Variants in SEL1L3 observed in about 807,000 individuals in gnomAD.
The protein encoded by SEL1L3 is protein sel-1 homolog 3.
A neutral mutation model predicts 142.8 loss-of-function variants in SEL1L3; 76 were observed. The observed-to-expected ratio is 0.53, with a 90% CI of 0.44 to 0.64. The LOEUF is 0.64. Among genes scored for constraint, SEL1L3 ranks in the 30% least tolerant of loss-of-function variants. The probability of loss-of-function intolerance (pLI) is 0.00; values close to 1 mark genes in which losing one functional copy is unlikely to be tolerated. For missense variants in SEL1L3, 1,262 were observed against 1,381.7 expected (o/e 0.91, Z 1.37); for synonymous variants, 504 against 519.6 (o/e 0.97, Z 0.41).
Position 25,756,663 on chromosome 4 carries a change from G to C in SEL1L3, c.3259+871C>G. ...AAACAGAAGCAAGCAGGGCTCCCTT[G>C]TCCTTAACTATTCTATACTGGCTCA... On this transcript the variant is annotated intron_variant, in intron 23 of 23. Coordinates refer to ENST00000399878, the MANE Select transcript of SEL1L3 (RefSeq NM_015187.5). The C allele has an allele frequency of 2.9e-6, 3 of 1,041,134 alleles. No individual in the cohort carries two copies. The South Asian group carries it at 1.0e-4, about 35-fold the overall frequency. 64.5% of individuals were successfully genotyped at this position (1,041,134 alleles called of 1,614,324 possible).
At chr4:25,780,224 G>A (rs1045568651) in intron 15 of SEL1L3, among the ~76,000 whole-genome samples, 20 of 151,896 alleles carry the variant, frequency 1.3e-4, no homozygotes, top group Admixed American at 5.2e-4. Flanking sequence ...AATACATGTA[G>A]AACCCAGTTT....
At chr4:25,763,759 G>A (rs1358197877) in intron 20 of SEL1L3, among the ~76,000 whole-genome samples, 1 of 152,166 alleles carries the variant, frequency 6.6e-6, no homozygotes, top group Non-Finnish European at 1.5e-5. Context: ...AGGATCGCTT[G>A]AGCCTGGGGG....
chr4:25,776,195 G>C, intron 17 of SEL1L3, 82 bp downstream of exon 17: 1 of 830,426 alleles, frequency 1.2e-6, no homozygotes, highest in South Asian at 1.6e-5. Flanking sequence ...TGCTTTCTCA[G>C]TTGCATTTTA....
At chr4:25,860,932 C>G (rs754121225) in intron 1 of SEL1L3, among the ~76,000 whole-genome samples, 2 of 152,176 alleles carry the variant, frequency 1.3e-5, no homozygotes, top group Non-Finnish European at 2.9e-5. Context: ...ACAGAACTTT[C>G]ACAGGAATAC....
At chr4:25,863,515 C>CCGCAGGG, upstream of SEL1L3, 3 of 702,872 alleles carry the variant, frequency 4.3e-6, no homozygotes, top group Non-Finnish European at 7.8e-6. Context: ...GGCGCCATTC[C>CCGCAGGG]CGCAGGGCGC....
chr4:25,824,394 C>T (rs889716209), intron 6 of SEL1L3, among the ~76,000 whole-genome samples: 16 of 152,180 alleles, frequency 1.1e-4, no homozygotes, highest in African/African-American at 3.6e-4. Context: ...AGCTTACTGT[C>T]TAGAGCCTTA....
At chr4:25,734,254 C>T in the SEL1L3 span, among the ~76,000 whole-genome samples, 3 of 152,040 alleles carry the variant, frequency 2.0e-5, no homozygotes, top group African/African-American at 7.2e-5. Flanking sequence ...TCATGTTGGC[C>T]AGGCTGGTCT....
At chr4:25,721,427 C>T in the SEL1L3 span, among the ~76,000 whole-genome samples, 7 of 151,654 alleles carry the variant, frequency 4.6e-5, no homozygotes, top group African/African-American at 1.7e-4. Flanking sequence ...GCCAGGATAC[C>T]CACAGCGGCA....
chr4:25,847,455 T>A lies in SEL1L3; in HGVS notation c.572A>T (p.Glu191Val). Residue 191 changes from glutamate (E) to valine (V), a missense_variant, in exon 2 of 24, where the codon GAG becomes GTG. Glu to Val is a moderately radical substitution (Grantham distance 121). This residue lies in a region of SEL1L3 where 689 missense variants were observed against 692.8 expected (regional missense o/e 0.99). Coordinates refer to ENST00000399878, the MANE Select transcript of SEL1L3 (RefSeq NM_015187.5). ...YSGRDWNVKW[E>V]ENLLHAVAKN... ...TGCTACAGCATGGAGCAAGTTTTCCTCCCATTTAACATTCCAGTCTCTGCC... is the reference window on the plus strand; with the variant it reads ...TGCTACAGCATGGAGCAAGTTTTCCACCCATTTAACATTCCAGTCTCTGCC... The A allele has an allele frequency of 6.2e-7, 1 of 1,613,980 alleles. No homozygotes were observed. Among genetic ancestry groups the A allele is most frequent in the Non-Finnish European group, 8.5e-7 (1 of 1,179,878 alleles).
the SEL1L3 span, among the ~76,000 whole-genome samples, chr4:25,735,291 T>TG: frequency 2.1e-3 from 317 of 152,194 alleles, no homozygotes; most frequent in African/African-American, 7.3e-3. Context: ...GCAATCCTCC[T>TG]GCCCCAGCCT....
intron 6 of SEL1L3, among the ~76,000 whole-genome samples, chr4:25,826,950 C>T (rs990072344): frequency 6.6e-6 from 1 of 152,306 alleles, no homozygotes; most frequent in African/African-American, 2.4e-5. Flanking sequence ...AGGCGTGAGC[C>T]ACTGTGCCAG....
chr4:25,738,588 G>C, the SEL1L3 span, among the ~76,000 whole-genome samples: 1 of 152,150 alleles, frequency 6.6e-6, no homozygotes, highest in Non-Finnish European at 1.5e-5. Flanking sequence ...AAGACACTCA[G>C]GTTGTGGCTG....
intron 1 of SEL1L3, among the ~76,000 whole-genome samples, chr4:25,858,507 G>C (rs1717420251): frequency 6.6e-6 from 1 of 152,178 alleles, no homozygotes; most frequent in Non-Finnish European, 1.5e-5. Context: ...GCCGCTGTCT[G>C]CTAACTGTCC....
chr4:25,858,032 C>T (rs530418871), intron 1 of SEL1L3, among the ~76,000 whole-genome samples: 3 of 152,372 alleles, frequency 2.0e-5, no homozygotes, highest in Admixed American at 6.5e-5. Flanking sequence ...GGGCCGAACA[C>T]GCCTCCTGCC....
intron 2 of SEL1L3, among the ~76,000 whole-genome samples, chr4:25,837,808 G>A (rs1233557170): frequency 6.6e-6 from 1 of 151,974 alleles, no homozygotes; most frequent in Non-Finnish European, 1.5e-5. Context: ...ATAACATATA[G>A]ATCTATTGTC....
chr4:25,832,794 AAGTT>A (rs1345189264), intron 5 of SEL1L3, among the ~76,000 whole-genome samples, 197 bp downstream of exon 5: 1 of 152,204 alleles, frequency 6.6e-6, no homozygotes, highest in Non-Finnish European at 1.5e-5. Context: ...AGCACTTTAA[AAGTT>A]AATTAAATGG....
At chr4:25,748,912 C>A (rs62410852) in intron 23 of SEL1L3, among the ~76,000 whole-genome samples, 1 of 152,026 alleles carries the variant, frequency 6.6e-6, no homozygotes, top group Non-Finnish European at 1.5e-5. Context: ...CAGAAGAGGT[C>A]GTGGATTCCA....
rs780491255 is a variant in SEL1L3 at position 25,782,226 on chromosome 4, CT to C, written c.2457+15del. ...GTGACTGACTAGTTGCAGAGTGGGTCTCAAGTCCTACTCACTTGATTCCTTC... is the reference window on the plus strand; with the variant it reads ...GTGACTGACTAGTTGCAGAGTGGGTCCAAGTCCTACTCACTTGATTCCTTC... On this transcript the variant is annotated intron_variant, in intron 15 of 23. Coordinates refer to ENST00000399878, the MANE Select transcript of SEL1L3 (RefSeq NM_015187.5). The C allele has an allele frequency of 1.2e-6, 2 of 1,608,730 alleles. No individual in the cohort carries two copies. Among genetic ancestry groups the C allele is most frequent in the Admixed American group, 3.3e-5 (2 of 59,834 alleles).
At chr4:25,794,566 A>C (rs1435424174) in intron 11 of SEL1L3, among the ~76,000 whole-genome samples, 2 of 152,228 alleles carry the variant, frequency 1.3e-5, no homozygotes, top group Non-Finnish European at 2.9e-5. Flanking sequence ...AAGAAGCAAC[A>C]GATGCTGGTG....
Sources: gnomAD v4.1 joint callset for allele counts (sites outside exome capture counted in the v4.1 genomes callset) on GRCh38, gnomAD v4.1.1 for gene constraint, gnomAD v4.1.1 regional missense constraint, MANE v1.5 for transcripts, NCBI Gene and HGNC (gene_info 2026-07-23, HGNC 2026-07-21) for gene names.